The following SH2B2 variants were observed in gnomAD, a reference collection of about 807,000 sequenced individuals.
The protein encoded by SH2B2 is SH2B adaptor protein 2, also known as SH2B adapter protein 2.
Under a neutral mutation model 35.7 loss-of-function variants are expected in SH2B2, and 37 were observed. The ratio of observed to expected loss-of-function variants is 1.04; its 90% CI spans 0.80 to 1.36. SH2B2 has a LOEUF of 1.36. SH2B2 is among the 40% of genes most tolerant of loss of function. SH2B2 has a pLI of 0.00. For missense variants in SH2B2, 852 were observed against 817.7 expected (o/e 1.04, Z -0.51); for synonymous variants, 383 against 376.4 (o/e 1.02, Z -0.20).
upstream of SH2B2, among the ~76,000 whole-genome samples, chr7:102,286,665 G>A (rs1383035616): frequency 6.6e-6 from 1 of 151,444 alleles, no homozygotes; most frequent in Non-Finnish European, 1.5e-5. Context: ...GGCAGTCTCG[G>A]CACCGCAGCT....
At chr7:102,321,039 G>A (rs1431411969) in intron 8 of SH2B2, among the ~76,000 whole-genome samples, 4 of 152,196 alleles carry the variant, frequency 2.6e-5, no homozygotes, top group East Asian at 1.9e-4. Context: ...GCCTGTGTGC[G>A]AGCGTGTGCA....
chr7:102,313,131 A>C (rs1272999987), intron 4 of SH2B2, among the ~76,000 whole-genome samples: 1 of 69,260 alleles, frequency 1.4e-5, no homozygotes, highest in African/African-American at 4.6e-5. Context: ...AACTCTGTCT[A>C]AAAAAAAAAA....
chr7:102,291,038 C>T (rs1472549116), intron 1 of SH2B2, among the ~76,000 whole-genome samples: 2 of 152,218 alleles, frequency 1.3e-5, no homozygotes, highest in Non-Finnish European at 2.9e-5. Context: ...CAGCTGGGAT[C>T]CAAACCCAGA....
upstream of SH2B2, chr7:102,286,755 TG>T (rs1283092152): frequency 1.9e-5 from 2 of 105,294 alleles, no homozygotes; most frequent in South Asian, 3.2e-4. Context: ...GCGGCGCAAG[TG>T]GGGGCGGGAG....
At chr7:102,302,955 C>T (rs143090017) in intron 2 of SH2B2, among the ~76,000 whole-genome samples, 40 of 152,122 alleles carry the variant, frequency 2.6e-4, no homozygotes, top group African/African-American at 8.9e-4. Context: ...AACTGGGGGC[C>T]GAGCGCGGTG....
intron 1 of SH2B2, chr7:102,293,086 C>T (rs1725618): frequency 6.5e-6 from 1 of 154,360 alleles, no homozygotes; most frequent in Admixed American, 6.5e-5. Context: ...TGCCGCGCAT[C>T]GATTGGTCGC....
chr7:102,300,242 C>G (rs1359781063), intron 1 of SH2B2, among the ~76,000 whole-genome samples: 1 of 152,230 alleles, frequency 6.6e-6, no homozygotes, highest in African/African-American at 2.4e-5. Flanking sequence ...GTTGACCAGG[C>G]TGATCTCGAA....
At chr7:102,303,884 G>A (rs79202708) in intron 2 of SH2B2, among the ~76,000 whole-genome samples, 3,111 of 148,230 alleles carry the variant, frequency 0.021, 51 homozygotes, top group Middle Eastern at 0.074. Context: ...CCACTCCACC[G>A]CTTAGTCCCA....
At position 102,297,643 on chromosome 7, in the gene SH2B2, C is replaced by T. The variant is rs150386109; in HGVS notation, c.-29-2879C>T. Among the ~76,000 whole-genome samples the T allele has an allele frequency of 1.6e-4, 24 of 152,258 alleles. No individual in the cohort carries two copies. The highest frequency in any genetic ancestry group is 7.9e-4 in the Admixed American group (12 of 15,276). On this transcript the variant is annotated intron_variant, in intron 1 of 8. Transcript: ENST00000444095. The surrounding 1 kb of genome is among the most constrained non-coding windows in gnomAD (Gnocchi z 4.3). ...CTTAGGCCCCAAGTGAGGGCTTAGG[C>T]GGTGACAGCTGTGACATGCCTGGTG... is the stretch of plus-strand genomic sequence containing the variant.
At chr7:102,318,149 GTTT>G (rs1235551445) in intron 7 of SH2B2, among the ~76,000 whole-genome samples, 1 of 151,280 alleles carries the variant, frequency 6.6e-6, no homozygotes, top group Admixed American at 6.6e-5. Context: ...TTTTGTTTTT[GTTT>G]TTTTTTGAGA....
rs539336410 is a variant in SH2B2 at position 102,304,948 on chromosome 7, C to A, written c.730-1773C>A. 5.3e-5 allele frequency among the ~76,000 whole-genome samples: 8 copies of A among 152,140 alleles called. No individual in the cohort carries two copies. The South Asian group carries it at 1.7e-3, about 32-fold the overall frequency. ...AAGAAAGTTCCTGTCCTGGAGACAG[C>A]GCTGCTGGGAATCTCACTCAGGCCA... On this transcript the variant is annotated intron_variant, in intron 2 of 8. Transcript: ENST00000444095.
Position 102,301,220 on chromosome 7 carries a change from C to G in SH2B2, c.670C>G (p.Leu224Val). 6.3e-7 allele frequency: 1 copy of G among 1,598,728 alleles called. No individual in the cohort carries two copies. The highest frequency in any genetic ancestry group is 8.5e-7 in the Non-Finnish European group (1 of 1,174,000). The stretch of plus-strand genomic sequence containing the variant: ...GGCTCAGTGGCAGAAGTGCCGCCTG[C>G]TCCTGCGCAGGGCTGTGGCCGAGGA... ...GSAQWQKCRL[L>V]LRRAVAEERF... is the part of the protein sequence containing the mutation. Residue 224 changes from leucine (L) to valine (V), a missense_variant, in exon 2 of 9, where the codon CTC becomes GTC. Around this residue, in one of 3 missense-constraint regions of SH2B2, gnomAD observed 556 missense variants for 514.5 expected, o/e 1.08. Transcript: ENST00000444095.
rs782335174 is a variant in SH2B2 at position 102,301,209 on chromosome 7, A to G, written c.659A>G (p.Lys220Arg). 6.3e-7 allele frequency: 1 copy of G among 1,594,608 alleles called. No individual in the cohort carries two copies. The highest frequency in any genetic ancestry group is 1.1e-5 in the South Asian group (1 of 88,788). The change falls in exon 2 of 9, where the codon AAG becomes AGG. Residue 220 changes from lysine to arginine, a missense_variant. By Grantham distance (26) the Lys-to-Arg change is conservative. Around this residue, in one of 3 missense-constraint regions of SH2B2, gnomAD observed 556 missense variants for 514.5 expected, o/e 1.08. Coordinates refer to ENST00000444095, the MANE Select transcript of SH2B2 (RefSeq NM_001359228.2). ...AGSGGSAQWQ[K>R]CRLLLRRAVA... is the part of the protein sequence containing the mutation. ...TCCGGGGGCTCGGCTCAGTGGCAGA[A>G]GTGCCGCCTGCTCCTGCGCAGGGCT...
chr7:102,320,453 G>A lies in SH2B2; in HGVS notation c.1518G>A (p.Ser506=), dbSNP rs781845075. 8.1e-6 allele frequency: 13 copies of A among 1,613,568 alleles called. No individual in the cohort carries two copies. Among genetic ancestry groups the A allele is most frequent in the African/African-American group, 4.0e-5 (3 of 74,870 alleles). ...THPIPLESGG[S]ADITLRSYVR... ...CCATCCCACTGGAGTCAGGGGGCTC[G>A]GCCGACATCACCCTTCGCAGCTATG... The change falls in exon 8 of 9, where the codon TCG becomes TCA. Residue 506 remains serine (S), a synonymous_variant. Transcript: ENST00000444095.
chr7:102,289,533 C>T (rs782632370), intron 1 of SH2B2, among the ~76,000 whole-genome samples: 1 of 152,114 alleles, frequency 6.6e-6, no homozygotes, highest in Non-Finnish European at 1.5e-5. Context: ...TTTGAGGTAC[C>T]TGGAGATCAG....
At chr7:102,316,745 G>A (rs1043166457) in intron 6 of SH2B2, among the ~76,000 whole-genome samples, 2 of 152,166 alleles carry the variant, frequency 1.3e-5, no homozygotes, top group Non-Finnish European at 2.9e-5. Flanking sequence ...AAGGCTGGGC[G>A]CAATGGCTTA....
intron 6 of SH2B2, among the ~76,000 whole-genome samples, chr7:102,315,945 T>G (rs190132582): frequency 3.9e-4 from 60 of 152,048 alleles, no homozygotes; most frequent in African/African-American, 1.4e-3. Context: ...GTTTACCTCA[T>G]AGACTTCACC....
intron 1 of SH2B2, among the ~76,000 whole-genome samples, chr7:102,290,265 A>G (rs1792625604): frequency 1.3e-5 from 2 of 148,486 alleles, no homozygotes; most frequent in Admixed American, 6.7e-5. Context: ...TTTTTTTGAG[A>G]CAGAGTCTTG....
intron 2 of SH2B2, among the ~76,000 whole-genome samples, 160 bp from the exon 3 acceptor site, chr7:102,306,561 C>T (rs1344442963): frequency 6.6e-6 from 1 of 152,216 alleles, no homozygotes; most frequent in Non-Finnish European, 1.5e-5. Flanking sequence ...AAATGCCTTC[C>T]TCAGCTTCCC....
Sources: allele counts gnomAD v4.1 joint callset (sites outside exome capture counted in the v4.1 genomes callset), GRCh38; gene constraint gnomAD v4.1.1; regional missense constraint gnomAD v4.1.1; non-coding constraint Gnocchi (gnomAD v3.1); transcripts MANE v1.5; gene names NCBI Gene and HGNC (gene_info 2026-07-23, HGNC 2026-07-21).